DPYD: variants seen among roughly 807,000 people sequenced by gnomAD.
DPYD encodes dihydropyrimidine dehydrogenase.
DPYD carries 109 observed loss-of-function variants against 116.2 expected under a neutral mutation model. That is an observed-to-expected ratio of 0.94 (90% CI 0.80 to 1.10). DPYD has a LOEUF of 1.10. Among genes scored for constraint, DPYD ranks in the 50% least tolerant of loss-of-function variants. The pLI is 0.00. For synonymous variants in DPYD, 440 were observed against 432.0 expected, an observed-to-expected ratio of 1.02 and a Z score of -0.23; for missense variants, 1,302 against 1,254.5, an observed-to-expected ratio of 1.04 and a Z score of -0.57.
chr1:97,405,494 CTTTA>C (rs536265548), intron 14 of DPYD, among the ~76,000 whole-genome samples: 4 of 151,674 alleles, frequency 2.6e-5, no homozygotes, highest in Admixed American at 6.6e-5. Context: ...TCTCTGAATA[CTTTA>C]TTTATTTATT....
intron 14 of DPYD, among the ~76,000 whole-genome samples, chr1:97,449,780 T>G (rs557374049): frequency 4.9e-4 from 74 of 152,342 alleles, no homozygotes; most frequent in Admixed American, 9.8e-4. Flanking sequence ...GAAAACCAAC[T>G]CAATAAAATG....
chr1:97,401,755 T>C lies in DPYD; in HGVS notation c.1906-19294A>G, dbSNP rs552182886. Among the ~76,000 whole-genome samples, 169 of 152,270 alleles carry C rather than the reference T, an allele frequency of 1.1e-3. 1 individual carries two copies. Among genetic ancestry groups the C allele is most frequent in the African/African-American group, 3.8e-3 (158 of 41,552 alleles). On this transcript the variant is annotated intron_variant, in intron 14 of 22. Coordinates refer to ENST00000370192, the MANE Select transcript of DPYD (RefSeq NM_000110.4). ...TCTTCTGTGTTATCTTGTAGGAATT[T>C]TATATTTTTGTGCTTTACATTTAGA... is the stretch of plus-strand genomic sequence containing the variant.
intron 5 of DPYD, among the ~76,000 whole-genome samples, chr1:97,711,909 C>A (rs976343100): frequency 2.6e-5 from 4 of 151,764 alleles, no homozygotes; most frequent in African/African-American, 9.7e-5. Flanking sequence ...TTTCTTTTAT[C>A]TTTCTTTCCA....
rs143985123 is a variant in DPYD at position 97,558,673 on chromosome 1, A to G, written c.1340-8929T>C. ...GATAAACTTAGGCTCCCCAAGTTGA[A>G]TGGAAACGATGGATGTCAATAATAG... is the stretch of plus-strand genomic sequence containing the variant. On this transcript the variant is annotated intron_variant, in intron 11 of 22. Coordinates refer to ENST00000370192, the MANE Select transcript of DPYD (RefSeq NM_000110.4). 2.6e-5 allele frequency among the ~76,000 whole-genome samples: 4 copies of G among 152,318 alleles called. No homozygotes were observed. The East Asian group carries it at 7.7e-4, about 29-fold the overall frequency.
chr1:97,620,007 TAA>T (rs758611619), intron 8 of DPYD, among the ~76,000 whole-genome samples: 3 of 151,468 alleles, frequency 2.0e-5, no homozygotes, highest in Non-Finnish European at 4.4e-5. Flanking sequence ...CATTTAATTT[TAA>T]AGTTCGGCAA....
At chr1:97,165,711 TAAAC>T (rs1444826548) in intron 20 of DPYD, among the ~76,000 whole-genome samples, 2 of 152,016 alleles carry the variant, frequency 1.3e-5, no homozygotes, top group African/African-American at 4.8e-5. Context: ...ATAAGGAACT[TAAAC>T]AAATTACAAG....
At chr1:97,230,465 AC>A (rs1661511458) in intron 19 of DPYD, among the ~76,000 whole-genome samples, 1 of 152,152 alleles carries the variant, frequency 6.6e-6, no homozygotes. Context: ...GGGGAATGAC[AC>A]ACACTGGGGC....
chr1:97,447,116 C>T (rs964753281), intron 14 of DPYD, among the ~76,000 whole-genome samples: 2 of 152,176 alleles, frequency 1.3e-5, no homozygotes, highest in Non-Finnish European at 2.9e-5. Flanking sequence ...AACTGGTGCT[C>T]ACCCTCTCTG....
At position 97,448,711 on chromosome 1, in the gene DPYD, G is replaced by C. The variant is rs190948153; in HGVS notation, c.1905+1348C>G. On this transcript the variant is annotated intron_variant, in intron 14 of 22. Transcript: ENST00000370192. ...AATAGCTCAGCATAATTCTCATATA[G>C]AGTTAATTATATAATATGAAAACAG... is the stretch of plus-strand genomic sequence containing the variant. 5.8e-3 allele frequency among the ~76,000 whole-genome samples: 878 copies of C among 150,862 alleles called. 4 individuals carry two copies. The highest frequency in any genetic ancestry group is 0.014 in the Middle Eastern group (4 of 294).
Position 97,388,151 on chromosome 1 carries a change from T to C in DPYD, c.1906-5690A>G, listed in dbSNP as rs947415517. On this transcript the variant is annotated intron_variant, in intron 14 of 22. Coordinates refer to ENST00000370192, the MANE Select transcript of DPYD (RefSeq NM_000110.4). Reference sequence around the variant, plus strand: ...CATAGAGAAAAGTAGAAATTAAGAATGATCCTAGATATTTGGCTTGAACTA... The same window carrying C: ...CATAGAGAAAAGTAGAAATTAAGAACGATCCTAGATATTTGGCTTGAACTA... Among the ~76,000 whole-genome samples, 6 of 152,198 alleles carry C rather than the reference T, an allele frequency of 3.9e-5. No homozygotes were observed. In the South Asian group the frequency reaches 1.2e-3, roughly 32 times the overall value.
intron 1 of DPYD, among the ~76,000 whole-genome samples, chr1:97,892,536 G>A (rs1054885100): frequency 1.3e-5 from 2 of 151,692 alleles, no homozygotes; most frequent in African/African-American, 4.8e-5. Flanking sequence ...TGCATCCTAG[G>A]TTCACACTTG....
intron 11 of DPYD, among the ~76,000 whole-genome samples, chr1:97,565,220 T>G (rs1222518500): frequency 2.6e-5 from 4 of 152,070 alleles, no homozygotes; most frequent in Admixed American, 2.6e-4. Context: ...ATTTGCCTAC[T>G]AACATGAACC....
intron 14 of DPYD, among the ~76,000 whole-genome samples, chr1:97,440,341 A>G (rs565443716): frequency 6.6e-6 from 1 of 151,224 alleles, no homozygotes; most frequent in Admixed American, 6.6e-5. Flanking sequence ...ATTTTTCATG[A>G]GATTATTTAA....
intron 18 of DPYD, among the ~76,000 whole-genome samples, chr1:97,292,862 T>C (rs1666302651): frequency 6.6e-6 from 1 of 152,118 alleles, no homozygotes; most frequent in Admixed American, 6.5e-5. Flanking sequence ...CAAGGCATTG[T>C]TGTTGGCCTA....
chr1:97,432,656 A>G (rs148996611), intron 14 of DPYD, among the ~76,000 whole-genome samples: 14 of 151,816 alleles, frequency 9.2e-5, no homozygotes, highest in Admixed American at 5.9e-4. Context: ...ATGTCTTATA[A>G]TTTTTTATTG....
At chr1:97,383,390 T>C (rs368069410) in intron 14 of DPYD, among the ~76,000 whole-genome samples, 1 of 151,074 alleles carries the variant, frequency 6.6e-6, no homozygotes, top group African/African-American at 2.4e-5. Context: ...GACAGGAGAA[T>C]TGCTTGAACC....
chr1:97,853,127 G>T (rs1670649947), intron 2 of DPYD, among the ~76,000 whole-genome samples: 1 of 152,082 alleles, frequency 6.6e-6, no homozygotes, highest in African/African-American at 2.4e-5. Flanking sequence ...TCTCCCTCCT[G>T]CACTAAACAT....
intron 5 of DPYD, among the ~76,000 whole-genome samples, chr1:97,706,823 T>C (rs777883655): frequency 6.6e-6 from 1 of 152,108 alleles, no homozygotes; most frequent in Admixed American, 6.6e-5. Context: ...TAAATATCCA[T>C]GTGCAGGTTT....
chr1:97,237,241 CAAAAAAAAA>C (rs58926889), intron 18 of DPYD, among the ~76,000 whole-genome samples: 3 of 57,700 alleles, frequency 5.2e-5, no homozygotes, highest in Non-Finnish European at 6.9e-5. Context: ...GATTCTGTCT[CAAAAAAAAA>C]AAAAAAAAAA....
Sources: gnomAD v4.1 joint callset for allele counts (sites outside exome capture counted in the v4.1 genomes callset) on GRCh38, gnomAD v4.1.1 for gene constraint, MANE v1.5 for transcripts, NCBI Gene and HGNC (gene_info 2026-07-23, HGNC 2026-07-21) for gene names.